CACNA1A: variants seen among roughly 807,000 people sequenced by gnomAD.
The protein encoded by CACNA1A is calcium voltage-gated channel subunit alpha1 A, also known as voltage-dependent P/Q-type calcium channel subunit alpha-1A.
In CACNA1A, 57 loss-of-function variants were observed where a neutral mutation model predicts 262.4. That is an observed-to-expected ratio of 0.22 (90% CI 0.18 to 0.27). The LOEUF is 0.27. Among genes scored for constraint, CACNA1A ranks in the 10% least tolerant of loss-of-function variants. The pLI, the probability that CACNA1A is intolerant of heterozygous loss-of-function variation, is 1.00. For missense variants in CACNA1A, 2,526 were observed against 3,562.8 expected (o/e 0.71, Z 7.41); for synonymous variants, 1,431 against 1,419.3 (o/e 1.01, Z -0.18).
At chr19:13,466,214 T>TC (rs1330285495) in intron 1 of CACNA1A, among the ~76,000 whole-genome samples, 2 of 151,568 alleles carry the variant, frequency 1.3e-5, no homozygotes, top group East Asian at 1.9e-4. Flanking sequence ...TTTGCTTTTT[T>TC]TTTTTTCTTT....
At chr19:13,433,593 G>A (rs142087817) in intron 3 of CACNA1A, among the ~76,000 whole-genome samples, 200 of 152,080 alleles carry the variant, frequency 1.3e-3, no homozygotes, top group African/African-American at 4.6e-3. Context: ...TGGTAGGCGG[G>A]GGATGCAGGT....
At chr19:13,460,072 C>A (rs755850289) in intron 1 of CACNA1A, among the ~76,000 whole-genome samples, 4 of 152,272 alleles carry the variant, frequency 2.6e-5, no homozygotes, top group Non-Finnish European at 4.4e-5. Context: ...TGCTCACCCG[C>A]ACCCCCGCAA....
chr19:13,343,986 G>A (rs1223776334), intron 6 of CACNA1A, among the ~76,000 whole-genome samples: 1 of 152,190 alleles, frequency 6.6e-6, no homozygotes, highest in East Asian at 1.9e-4. Context: ...TAAGGCAGGA[G>A]GATCGCTTGA....
intron 38 of CACNA1A, among the ~76,000 whole-genome samples, chr19:13,221,422 G>A: frequency 6.7e-6 from 1 of 149,578 alleles, no homozygotes; most frequent in Non-Finnish European, 1.5e-5. Flanking sequence ...TAGTGGAGAT[G>A]GGGTTTCGCC....
chr19:13,473,502 A>G (rs941680770), intron 1 of CACNA1A, among the ~76,000 whole-genome samples: 1 of 152,190 alleles, frequency 6.6e-6, no homozygotes, highest in African/African-American at 2.4e-5. Context: ...CAATATATTT[A>G]TGTTGTTTTA....
At position 13,214,119 on chromosome 19, in the gene CACNA1A, CT is replaced by C. The variant is rs1179855021; in HGVS notation, c.5940+113del. 2.5e-6 allele frequency: 2 copies of C among 808,346 alleles called. No individual in the cohort carries two copies. Among genetic ancestry groups the C allele is most frequent in the Non-Finnish European group, 4.0e-6 (2 of 496,088 alleles). 50.1% of individuals were successfully genotyped at this position (808,346 alleles called of 1,614,324 possible). ...TGTGAGCTGCTGTGCACAGCCCCTA[CT>C]TTTCAGGGACCTGCCCTGGGGCTCA... On this transcript the variant is annotated intron_variant, in intron 40 of 46. Coordinates refer to ENST00000360228, the MANE Select transcript of CACNA1A (RefSeq NM_001127222.2). This position sits in a 1 kb window ranked among gnomAD's most constrained non-coding sequence, Gnocchi z 4.1.
At chr19:13,285,440 T>C (rs2057378078) in intron 20 of CACNA1A, among the ~76,000 whole-genome samples, 2 of 152,132 alleles carry the variant, frequency 1.3e-5, no homozygotes, top group African/African-American at 2.4e-5. Context: ...GTGACTTGTC[T>C]AAGGTCACAC....
intron 3 of CACNA1A, among the ~76,000 whole-genome samples, chr19:13,397,301 A>G (rs1026824424): frequency 1.3e-5 from 2 of 152,138 alleles, no homozygotes; most frequent in African/African-American, 4.8e-5. Flanking sequence ...GGGGAGAGAC[A>G]TTCTTCCAGA....
At chr19:13,365,216 C>T in intron 5 of CACNA1A, 101 bp downstream of exon 5, 6 of 1,047,440 alleles carry the variant, frequency 5.7e-6, no homozygotes, top group Admixed American at 2.1e-5. Flanking sequence ...AGACGGTCCT[C>T]CCAGCTGCCA....
chr19:13,458,998 A>G (rs1413239857), intron 1 of CACNA1A, among the ~76,000 whole-genome samples: 1 of 152,158 alleles, frequency 6.6e-6, no homozygotes, highest in Non-Finnish European at 1.5e-5. Flanking sequence ...TGGGCACTGC[A>G]GCATGTTCAA....
At chr19:13,284,816 ATTTG>A (rs1364708152) in intron 21 of CACNA1A, among the ~76,000 whole-genome samples, 3 of 152,234 alleles carry the variant, frequency 2.0e-5, no homozygotes, top group Admixed American at 1.3e-4. Context: ...TTTATGACAA[ATTTG>A]TTTATTTATT....
intron 3 of CACNA1A, among the ~76,000 whole-genome samples, chr19:13,448,803 A>G (rs1398698183): frequency 6.6e-6 from 1 of 152,234 alleles, no homozygotes; most frequent in Non-Finnish European, 1.5e-5. Flanking sequence ...GCATACTCCT[A>G]CCACAGAATA....
intron 2 of CACNA1A, among the ~76,000 whole-genome samples, chr19:13,454,560 C>T (rs189566901): frequency 5.6e-4 from 85 of 152,068 alleles, no homozygotes; most frequent in Admixed American, 2.2e-3. Flanking sequence ...TTAGTAGAGA[C>T]GGGCTTTCAC....
chr19:13,347,579 G>A (rs192548207), intron 6 of CACNA1A, among the ~76,000 whole-genome samples: 23 of 152,106 alleles, frequency 1.5e-4, no homozygotes, highest in Admixed American at 5.2e-4. Context: ...TTTATCTGTC[G>A]TTACTTTCAC....
chr19:13,405,756 T>A (rs1327143097), intron 3 of CACNA1A, among the ~76,000 whole-genome samples: 1 of 152,210 alleles, frequency 6.6e-6, no homozygotes, highest in Non-Finnish European at 1.5e-5. Context: ...GGTATTCTGA[T>A]AACATAGCAT....
At chr19:13,291,330 CCT>C (rs1280734097) in intron 19 of CACNA1A, among the ~76,000 whole-genome samples, 6 of 152,056 alleles carry the variant, frequency 3.9e-5, no homozygotes, top group South Asian at 4.2e-4. Context: ...GTCCCCACCC[CCT>C]GTCCTAAGGA....
intron 24 of CACNA1A, among the ~76,000 whole-genome samples, chr19:13,268,851 G>A (rs1288791017): frequency 6.8e-6 from 1 of 146,758 alleles, no homozygotes; most frequent in African/African-American, 2.5e-5. Flanking sequence ...CAAATTCAGT[G>A]TATCTAGGAA....
Position 13,207,646 on chromosome 19 carries a change from G to A in CACNA1A, c.7188C>T (p.His2396=), listed in dbSNP as rs2054615557. The A allele has an allele frequency of 1.4e-6, 2 of 1,464,786 alleles. No homozygotes were observed. The highest frequency in any genetic ancestry group is 1.8e-6 in the Non-Finnish European group (2 of 1,108,376). The allele number at this position is 1,464,786 out of a possible 1,614,324, so 90.7% of individuals were successfully genotyped here. The change falls in exon 47 of 47, where the codon CAC becomes CAT. Residue 2396 remains histidine (H), a synonymous_variant. Transcript: ENST00000360228. This position sits in a 1 kb window ranked among gnomAD's most constrained non-coding sequence, Gnocchi z 5.7. ...GGGGACCCGGGGGCCCCTCGGACAC[G>A]TGCGGGCCAGATGCCGGCCACCGGG... ...GGARWPASGP[H]VSEGPPGPRH...
At chr19:13,251,036 A>C (rs2056381057) in intron 30 of CACNA1A, among the ~76,000 whole-genome samples, 1 of 149,836 alleles carries the variant, frequency 6.7e-6, no homozygotes, top group Non-Finnish European at 1.5e-5. Flanking sequence ...GAAGGCTGAG[A>C]TGGGAGAATC....
Sources: allele counts gnomAD v4.1 joint callset (sites outside exome capture counted in the v4.1 genomes callset), GRCh38; gene constraint gnomAD v4.1.1; non-coding constraint Gnocchi (gnomAD v3.1); transcripts MANE v1.5; gene names NCBI Gene and HGNC (gene_info 2026-07-23, HGNC 2026-07-21).